PCDH17: variants seen among roughly 807,000 people sequenced by gnomAD.
The protein encoded by PCDH17 is protocadherin-17.
PCDH17 carries 21 observed loss-of-function variants against 67.7 expected under a neutral mutation model. That is an observed-to-expected ratio of 0.31 (90% CI 0.22 to 0.45). The LOEUF is 0.45. Among genes scored for constraint, PCDH17 ranks in the 20% least tolerant of loss-of-function variants. The pLI is 1.00. For missense variants in PCDH17, 1,471 were observed against 1,564.8 expected (o/e 0.94, Z 1.01); for synonymous variants, 701 against 656.7 (o/e 1.07, Z -1.03).
In PCDH17 at chr13:57,633,887, G is replaced by A. The variant is rs376127001; in HGVS notation, c.1341G>A (p.Gly447=). ...EYNVTIVARD[G]GSPPLNSTKS... is the part of the protein sequence containing the mutation. The stretch of plus-strand genomic sequence containing the variant: ...ACGTGACCATCGTGGCGCGGGACGG[G>A]GGCTCTCCTCCCCTCAACTCCACCA... Residue 447 remains glycine, a synonymous_variant, in exon 1 of 4, where the codon GGG becomes GGA. Transcript: ENST00000377918. The surrounding 1 kb of genome is among the most constrained non-coding windows in gnomAD (Gnocchi z 6.2). The A allele has an allele frequency of 1.9e-6, 3 of 1,613,028 alleles. No individual in the cohort carries two copies. Among genetic ancestry groups the A allele is most frequent in the South Asian group, 2.2e-5 (2 of 91,086 alleles).
Position 57,634,478 on chromosome 13 carries a change from G to T in PCDH17, c.1932G>T (p.Glu644Asp). The change falls in exon 1 of 4, where the codon GAG (glutamate) becomes GAT (aspartate). Residue 644 changes from glutamate (E) to aspartate (D), a missense_variant. By Grantham distance (45) the Glu-to-Asp change is conservative. Around this residue, in one of 3 missense-constraint regions of PCDH17, gnomAD observed 1,163 missense variants for 1,230.0 expected, o/e 0.95. Coordinates refer to ENST00000377918, the MANE Select transcript of PCDH17 (RefSeq NM_001040429.3). This position sits in a 1 kb window ranked among gnomAD's most constrained non-coding sequence, Gnocchi z 7.8. Reference protein sequence around the residue: ...HLFEIDPSSGEIRTLHPFWED... With the variant: ...HLFEIDPSSGDIRTLHPFWED... Reference sequence around the variant, plus strand: ...TTGAGATCGACCCGTCCAGCGGCGAGATCCGCACGCTGCACCCTTTCTGGG... The same window carrying T: ...TTGAGATCGACCCGTCCAGCGGCGATATCCGCACGCTGCACCCTTTCTGGG... The T allele has an allele frequency of 6.2e-7, 1 of 1,612,976 alleles. No individual in the cohort carries two copies. Among genetic ancestry groups the T allele is most frequent in the Non-Finnish European group, 8.5e-7 (1 of 1,180,008 alleles).
At chr13:57,686,705 AAAT>A (rs1202177350) in intron 3 of PCDH17, among the ~76,000 whole-genome samples, 1 of 152,030 alleles carries the variant, frequency 6.6e-6, no homozygotes, top group Non-Finnish European at 1.5e-5. Flanking sequence ...GGAGATATGA[AAAT>A]AATATAAAGT....
chr13:57,632,354 A>G lies in PCDH17; in HGVS notation c.-193A>G. The stretch of plus-strand genomic sequence containing the variant: ...CACCCAGTGCGGATGCTGTAGATCA[A>G]CAGGTTCAGGGAACTTGAGCAGAAT... On this transcript the variant is annotated 5_prime_UTR_variant, in exon 1 of 4. Transcript: ENST00000377918. 1.6e-6 allele frequency: 1 copy of G among 609,386 alleles called. No homozygotes were observed. Among genetic ancestry groups the G allele is most frequent in the South Asian group, 2.1e-5 (1 of 48,550 alleles). The allele number at this position is 609,386 out of a possible 1,614,324, so 37.7% of individuals were successfully genotyped here.
chr13:57,709,190 G>T (rs1055424711), intron 3 of PCDH17, among the ~76,000 whole-genome samples: 20 of 151,426 alleles, frequency 1.3e-4, no homozygotes, highest in Admixed American at 5.3e-4. Context: ...ATTACAAATA[G>T]TGTCTTGTTT....
chr13:57,691,609 T>A (rs1012306238), intron 3 of PCDH17, among the ~76,000 whole-genome samples: 2 of 151,382 alleles, frequency 1.3e-5, no homozygotes, highest in Admixed American at 1.3e-4. Flanking sequence ...AAGCTATTTT[T>A]GGTACTCATA....
At chr13:57,718,627 A>T (rs536116336) in intron 3 of PCDH17, among the ~76,000 whole-genome samples, 2 of 152,046 alleles carry the variant, frequency 1.3e-5, no homozygotes, top group African/African-American at 4.8e-5. Flanking sequence ...AAAAAAAGAA[A>T]GAACTGTGTA....
intron 3 of PCDH17, among the ~76,000 whole-genome samples, chr13:57,710,568 C>T (rs1451539018): frequency 6.6e-6 from 1 of 151,804 alleles, no homozygotes; most frequent in East Asian, 1.9e-4. Context: ...AAAAGTATTC[C>T]TATCTCAGGT....
intron 3 of PCDH17, among the ~76,000 whole-genome samples, chr13:57,688,186 A>C (rs1056499984): frequency 1.3e-5 from 2 of 151,932 alleles, no homozygotes; most frequent in African/African-American, 4.8e-5. Context: ...GCACACCTGT[A>C]GTCCCAGCTA....
intron 3 of PCDH17, among the ~76,000 whole-genome samples, chr13:57,701,238 A>G (rs988348710): frequency 6.6e-6 from 1 of 152,172 alleles, no homozygotes; most frequent in Non-Finnish European, 1.5e-5. Context: ...ATCAAACTAC[A>G]TTGTCACAGT....
intron 3 of PCDH17, among the ~76,000 whole-genome samples, chr13:57,679,372 A>G (rs1304582945): frequency 4.2e-5 from 6 of 141,420 alleles, no homozygotes; most frequent in Non-Finnish European, 7.7e-5. Flanking sequence ...AAAAAAAAAA[A>G]GGAGTATAAG....
rs961753265 is a variant in PCDH17 at position 57,632,995 on chromosome 13, G to A, written c.449G>A (p.Arg150His). The A allele has an allele frequency of 6.2e-7, 1 of 1,612,888 alleles. No individual in the cohort carries two copies. Among genetic ancestry groups the A allele is most frequent in the African/African-American group, 1.3e-5 (1 of 74,880 alleles). ...DISENAAPGT[R>H]FPLTSAHDPD... Reference sequence around the variant, plus strand: ...TCGGAGAACGCTGCTCCGGGCACCCGCTTCCCCCTCACCAGCGCACATGAC... The same window carrying A: ...TCGGAGAACGCTGCTCCGGGCACCCACTTCCCCCTCACCAGCGCACATGAC... Residue 150 changes from arginine to histidine, a missense_variant, in exon 1 of 4, where the codon CGC (arginine) becomes CAC (histidine). This residue lies in a region of PCDH17 where 1,163 missense variants were observed against 1,230.0 expected (regional missense o/e 0.95). Transcript: ENST00000377918.
chr13:57,644,078 T>C (rs1054963585), intron 1 of PCDH17, among the ~76,000 whole-genome samples: 13 of 151,738 alleles, frequency 8.6e-5, no homozygotes, highest in African/African-American at 3.1e-4. Context: ...TATCAATGCA[T>C]ACCTTGAAAA....
intron 3 of PCDH17, among the ~76,000 whole-genome samples, chr13:57,696,186 T>A (rs1263409762): frequency 6.6e-6 from 1 of 151,484 alleles, no homozygotes; most frequent in Non-Finnish European, 1.5e-5. Context: ...ACTACCTTGA[T>A]TTTCCAAACT....
intron 3 of PCDH17, among the ~76,000 whole-genome samples, chr13:57,668,005 C>G (rs938925809): frequency 4.6e-5 from 7 of 151,106 alleles, no homozygotes; most frequent in African/African-American, 1.7e-4. Context: ...AAGCTGTTTT[C>G]TAAGTAGTAA....
At chr13:57,703,428 A>C (rs989966103) in intron 3 of PCDH17, among the ~76,000 whole-genome samples, 2 of 152,166 alleles carry the variant, frequency 1.3e-5, no homozygotes, top group Non-Finnish European at 2.9e-5. Context: ...TAGTGGAGGA[A>C]AGATAAGGAG....
Position 57,634,530 on chromosome 13 carries a change from G to A in PCDH17, c.1984G>A (p.Val662Met), listed in dbSNP as rs1177240006. 1.2e-6 allele frequency: 2 copies of A among 1,612,914 alleles called. No homozygotes were observed. Among genetic ancestry groups the A allele is most frequent in the African/African-American group, 1.3e-5 (1 of 74,894 alleles). Residue 662 changes from valine to methionine, a missense_variant, in exon 1 of 4, where the codon GTG becomes ATG. This residue lies in a region of PCDH17 where 1,163 missense variants were observed against 1,230.0 expected (regional missense o/e 0.95). Coordinates refer to ENST00000377918, the MANE Select transcript of PCDH17 (RefSeq NM_001040429.3). The surrounding 1 kb of genome is among the most constrained non-coding windows in gnomAD (Gnocchi z 7.8). ...GGACGTGACGCCCGTGGTGGAGCTG[G>A]TGGTGAAGGTGACCGACCACGGCAA... is the stretch of plus-strand genomic sequence containing the variant. ...WEDVTPVVEL[V>M]VKVTDHGKPT...
Position 57,688,098 on chromosome 13 carries a change from T to TA in PCDH17, c.2797+21269dup, listed in dbSNP as rs1396718916. Among the ~76,000 whole-genome samples the TA allele has an allele frequency of 2.6e-5, 4 of 152,080 alleles. No homozygotes were observed. The East Asian group carries it at 7.8e-4, about 30-fold the overall frequency. ...TCCTACCCCCCCACCCCATTTTTTT[T>TA]AAAACCTTTAGAAGTCATGGGCTTC... is the stretch of plus-strand genomic sequence containing the variant. On this transcript the variant is annotated intron_variant, in intron 3 of 3. Coordinates refer to ENST00000377918, the MANE Select transcript of PCDH17 (RefSeq NM_001040429.3).
At chr13:57,720,791 A>G (rs556103471) in intron 3 of PCDH17, among the ~76,000 whole-genome samples, 36 of 152,186 alleles carry the variant, frequency 2.4e-4, no homozygotes, top group African/African-American at 8.4e-4. Flanking sequence ...GTAAACTGCA[A>G]GTACTACAGT....
At chr13:57,697,782 T>C (rs1455889558) in intron 3 of PCDH17, among the ~76,000 whole-genome samples, 1 of 151,684 alleles carries the variant, frequency 6.6e-6, no homozygotes, top group South Asian at 2.1e-4. Context: ...TGATTTTTTT[T>C]TTTTAGGGTA....
Sources: allele counts gnomAD v4.1 joint callset (sites outside exome capture counted in the v4.1 genomes callset), GRCh38; gene constraint gnomAD v4.1.1; regional missense constraint gnomAD v4.1.1; non-coding constraint Gnocchi (gnomAD v3.1); transcripts MANE v1.5; gene names NCBI Gene and HGNC (gene_info 2026-07-23, HGNC 2026-07-21).